The following MGARP variants were observed in gnomAD, a reference collection of about 807,000 sequenced individuals.
MGARP encodes the protein protein MGARP.
In MGARP, 12 loss-of-function variants were observed where a neutral mutation model predicts 11.0. The observed-to-expected ratio is 1.09, with a 90% CI of 0.70 to 1.77. MGARP has a LOEUF of 1.77. MGARP is among the 40% of genes most tolerant of loss of function. MGARP has a pLI of 0.00. For synonymous variants in MGARP, 110 were observed against 115.4 expected (o/e 0.95, Z 0.30); for missense variants, 283 against 297.8 (o/e 0.95, Z 0.36).
chr4:139,270,630 A>G (rs887894720), intron 2 of MGARP, among the ~76,000 whole-genome samples: 1 of 151,388 alleles, frequency 6.6e-6, no homozygotes, highest in Non-Finnish European at 1.5e-5. Context: ...AAAAAAAAGA[A>G]AAGAAAATCT....
At chr4:139,279,099 A>T (rs925121974) in intron 1 of MGARP, among the ~76,000 whole-genome samples, 1 of 152,066 alleles carries the variant, frequency 6.6e-6, no homozygotes, top group Non-Finnish European at 1.5e-5. Context: ...CCTTCACGAT[A>T]TTGTCTAAGA....
At chr4:139,269,096 C>T (rs1466503196) in intron 2 of MGARP, among the ~76,000 whole-genome samples, 2 of 152,112 alleles carry the variant, frequency 1.3e-5, no homozygotes, top group Admixed American at 1.3e-4. Flanking sequence ...TATTAACAAA[C>T]CTGCACATGT....
chr4:139,277,518 T>G (rs1419453166), intron 1 of MGARP, among the ~76,000 whole-genome samples: 1 of 152,104 alleles, frequency 6.6e-6, no homozygotes, highest in East Asian at 1.9e-4. Flanking sequence ...AGAACTAAAA[T>G]TACCAGAGAT....
chr4:139,267,416 T>C (rs1319994340), intron 3 of MGARP, among the ~76,000 whole-genome samples: 1 of 152,170 alleles, frequency 6.6e-6, no homozygotes, highest in African/African-American at 2.4e-5. Flanking sequence ...TAGGCAAATA[T>C]GAAGAATACA....
At chr4:139,279,874 T>C (rs1744930012) in intron 1 of MGARP, among the ~76,000 whole-genome samples, 1 of 152,218 alleles carries the variant, frequency 6.6e-6, no homozygotes, top group African/African-American at 2.4e-5. Flanking sequence ...TGAGGCACCC[T>C]GGAAAAGTTC....
At chr4:139,276,414 T>A (rs1430214866) in intron 1 of MGARP, among the ~76,000 whole-genome samples, 1 of 152,162 alleles carries the variant, frequency 6.6e-6, no homozygotes, top group Non-Finnish European at 1.5e-5. Flanking sequence ...GCCAAGGTAG[T>A]TGTCATAATA....
chr4:139,280,219 A>G lies in MGARP; in HGVS notation c.-61T>C. On this transcript the variant is annotated 5_prime_UTR_variant, in exon 1 of 4. Coordinates refer to ENST00000398955, the MANE Select transcript of MGARP (RefSeq NM_032623.4). The stretch of plus-strand genomic sequence containing the variant: ...CCAGGCGCAGGCTGCCCTTCCACAG[A>G]GAGGCTGAGAGCCTGGCAGCGCCCC... The G allele has an allele frequency of 6.7e-7, 1 of 1,499,656 alleles. No individual in the cohort carries two copies. Among genetic ancestry groups the G allele is most frequent in the East Asian group, 2.4e-5 (1 of 41,440 alleles). The allele number at this position is 1,499,656 out of a possible 1,614,324, so 92.9% of individuals were successfully genotyped here.
intron 1 of MGARP, 21 bp from the exon 2 acceptor site, chr4:139,275,413 C>T (rs998651346): frequency 1.3e-6 from 2 of 1,591,698 alleles, no homozygotes; most frequent in Non-Finnish European, 1.7e-6. Flanking sequence ...AATGTTTAAA[C>T]ACAGTTAGCT....
chr4:139,270,987 CTAACTT>C (rs1315520825), intron 2 of MGARP, among the ~76,000 whole-genome samples: 18 of 152,116 alleles, frequency 1.2e-4, no homozygotes, highest in Non-Finnish European at 2.5e-4. Context: ...AGAAAAAAGA[CTAACTT>C]TAGGGAGAAT....
chr4:139,267,692 AT>A (rs1744717992), intron 3 of MGARP, among the ~76,000 whole-genome samples: 1 of 152,256 alleles, frequency 6.6e-6, no homozygotes, highest in Admixed American at 6.5e-5. Flanking sequence ...AATAATATGT[AT>A]TGATGATATT....
intron 3 of MGARP, among the ~76,000 whole-genome samples, chr4:139,267,316 T>C (rs1272882098): frequency 2.0e-5 from 3 of 152,166 alleles, no homozygotes; most frequent in Admixed American, 6.5e-5. Flanking sequence ...AGAAACTGGT[T>C]CTATTGGTTG....
Position 139,266,697 on chromosome 4 carries a change from C to G in MGARP, c.625G>C (p.Glu209Gln), listed in dbSNP as rs1744703007. Residue 209 changes from glutamate to glutamine, a missense_variant, in exon 4 of 4, where the codon GAA (glutamate) becomes CAA (glutamine). By Grantham distance (29) the Glu-to-Gln change is conservative. Coordinates refer to ENST00000398955, the MANE Select transcript of MGARP (RefSeq NM_032623.4). ...NETSDEYAEL[E>Q]EENSPAESES... is the part of the protein sequence containing the mutation. ...GACTCAGCTGGAGAATTTTCTTCTT[C>G]TAGTTCAGCATATTCATCAGAGGTT... 1 of 1,614,028 alleles carries G rather than the reference C, an allele frequency of 6.2e-7. No individual in the cohort carries two copies. The highest frequency in any genetic ancestry group is 1.1e-5 in the South Asian group (1 of 91,080).
chr4:139,276,718 A>G (rs1192744344), intron 1 of MGARP, among the ~76,000 whole-genome samples: 2 of 151,992 alleles, frequency 1.3e-5, no homozygotes, highest in Non-Finnish European at 2.9e-5. Flanking sequence ...GAGTGGTGGT[A>G]TGTGCCTGTA....
At chr4:139,274,432 C>T (rs1560932463) in intron 2 of MGARP, among the ~76,000 whole-genome samples, 1 of 151,882 alleles carries the variant, frequency 6.6e-6, no homozygotes, top group Non-Finnish European at 1.5e-5. Flanking sequence ...TTTTGTAAAC[C>T]TAAAACTGCT....
rs1159178476 is a variant in MGARP at position 139,266,422 on chromosome 4, T to C, written c.*177A>G. The C allele has an allele frequency of 1.2e-5, 7 of 607,882 alleles. No individual in the cohort carries two copies. In the East Asian group the frequency reaches 1.7e-4, roughly 14 times the overall value. 37.7% of individuals were successfully genotyped at this position (607,882 alleles called of 1,614,324 possible). A position where few individuals can be genotyped will look rare whatever the true frequency, so the allele number is the denominator to read the frequency against. Reference sequence around the variant, plus strand: ...GACAGTAGAAGAGTAGTAAGAAATGTACAATCTCAAGTCTCTCAGTCCTAA... The same window carrying C: ...GACAGTAGAAGAGTAGTAAGAAATGCACAATCTCAAGTCTCTCAGTCCTAA... On this transcript the variant is annotated 3_prime_UTR_variant, in exon 4 of 4. Transcript: ENST00000398955.
At chr4:139,271,010 G>A (rs1355852939) in intron 2 of MGARP, among the ~76,000 whole-genome samples, 1 of 152,160 alleles carries the variant, frequency 6.6e-6, no homozygotes, top group Non-Finnish European at 1.5e-5. Flanking sequence ...GAATTGAAGA[G>A]ATACAATACT....
At chr4:139,278,535 T>A (rs1210764814) in intron 1 of MGARP, among the ~76,000 whole-genome samples, 1 of 152,170 alleles carries the variant, frequency 6.6e-6, no homozygotes, top group East Asian at 1.9e-4. Flanking sequence ...TGCCGCAAAT[T>A]GGGAAGAAAA....
chr4:139,276,305 C>T (rs1400199062), intron 1 of MGARP, among the ~76,000 whole-genome samples: 1 of 152,130 alleles, frequency 6.6e-6, no homozygotes, highest in Admixed American at 6.5e-5. Flanking sequence ...CATTCACAGT[C>T]TAGAAGGAGG....
At position 139,280,125 on chromosome 4, in the gene MGARP, C is replaced by A; in HGVS notation, c.34G>T (p.Ala12Ser). 1 of 1,611,870 alleles carries A rather than the reference C, an allele frequency of 6.2e-7. No homozygotes were observed. Among genetic ancestry groups the A allele is most frequent in the South Asian group, 1.1e-5 (1 of 91,034 alleles). ...YLRRAVSKTL[A>S]LPLRAPPNPA... is the part of the protein sequence containing the mutation. ...TTGGGGGGCGCCCTCAGCGGCAGCG[C>A]CAGAGTCTTGGAGACCGCCCTGCGG... The change falls in exon 1 of 4, where the codon GCG (alanine) becomes TCG (serine). Residue 12 changes from alanine to serine, a missense_variant. Physicochemically the swap from Ala to Ser is moderately conservative, Grantham distance 99. Coordinates refer to ENST00000398955, the MANE Select transcript of MGARP (RefSeq NM_032623.4).
Sources: gnomAD v4.1 joint callset for allele counts (sites outside exome capture counted in the v4.1 genomes callset) on GRCh38, gnomAD v4.1.1 for gene constraint, MANE v1.5 for transcripts, NCBI Gene and HGNC (gene_info 2026-07-23, HGNC 2026-07-21) for gene names.